XKR8: variants seen among roughly 807,000 people sequenced by gnomAD.
The protein encoded by XKR8 is XK-related protein 8.
XKR8 carries 10 observed loss-of-function variants against 17.1 expected under a neutral mutation model. The observed-to-expected ratio is 0.59, with a 90% CI of 0.36 to 0.99. The LOEUF is 0.99. Ranked by LOEUF, XKR8 falls within the 50% of genes least tolerant of loss-of-function variation. XKR8 has a pLI of 0.01. For missense variants in XKR8, 411 were observed against 515.6 expected (o/e 0.80, Z 1.96); for synonymous variants, 213 against 251.9 (o/e 0.85, Z 1.46).
In XKR8 at chr1:27,967,106, G is replaced by A. The variant is rs1638591759; in HGVS notation, c.1094G>A (p.Gly365Glu). The stretch of plus-strand genomic sequence containing the variant: ...GCCCGGAGTCTGCTTTCTCCAGAGG[G>A]GTATCAGCTGCCTCAGAACAGGCGC... ...DGARSLLSPE[G>E]YQLPQNRRMT... Residue 365 changes from glycine (G) to glutamate (E), a missense_variant, in exon 3 of 3, where the codon GGG becomes GAG. Coordinates refer to ENST00000373884, the MANE Select transcript of XKR8 (RefSeq NM_018053.4). This position sits in a 1 kb window ranked among gnomAD's most constrained non-coding sequence, Gnocchi z 4.3. 1 of 1,613,264 alleles carries A rather than the reference G, an allele frequency of 6.2e-7. No homozygotes were observed. The highest frequency in any genetic ancestry group is 8.5e-7 in the Non-Finnish European group (1 of 1,179,484).
In XKR8 at chr1:27,968,061, A is replaced by G. The variant is rs931660789; in HGVS notation, c.*861A>G. The G allele has an allele frequency of 5.2e-5, 8 of 152,700 alleles. No homozygotes were observed. Among genetic ancestry groups the G allele is most frequent in the African/African-American group, 1.9e-4 (8 of 41,468 alleles). The allele number at this position is 152,700 out of a possible 1,614,324, so 9.5% of individuals were successfully genotyped here. On this transcript the variant is annotated 3_prime_UTR_variant, in exon 3 of 3. Transcript: ENST00000373884. ...CAGATGTGTTGTTTTCAACAGTATT[A>G]TTAGGTTATGAATAAAGCCTCATGA...
rs1202412228 is a variant in XKR8, at chr1:27,960,336, T to G, written c.267T>G (p.His89Gln). 9.9e-6 allele frequency: 14 copies of G among 1,419,940 alleles called. No individual in the cohort carries two copies. In the East Asian group the frequency reaches 3.1e-4, roughly 31 times the overall value. The allele number at this position is 1,419,940 out of a possible 1,614,324, so 88.0% of individuals were successfully genotyped here. The change falls in exon 1 of 3, where the codon CAT becomes CAG. Residue 89 changes from histidine (H) to glutamine (Q), a missense_variant. By Grantham distance (24) the His-to-Gln change is conservative. Coordinates refer to ENST00000373884, the MANE Select transcript of XKR8 (RefSeq NM_018053.4). The surrounding 1 kb of genome is among the most constrained non-coding windows in gnomAD (Gnocchi z 5.9). Reference sequence around the variant, plus strand: ...CGCGCCGCTGCCTGGCGCTGCTGCATCTCCTGCAGCTGGGTTACCTGTACA... The same window carrying G: ...CGCGCCGCTGCCTGGCGCTGCTGCAGCTCCTGCAGCTGGGTTACCTGTACA... ...QPPRRCLALL[H>Q]LLQLGYLYRC...
Position 27,965,613 on chromosome 1 carries a change from G to A in XKR8, c.491-890G>A, listed in dbSNP as rs181401267. Reference sequence around the variant, plus strand: ...TGTGCTTCTGGCGACCTAACATCCTGGGCAGAGCTTGTCAAGGTCACGGAA... The same window carrying A: ...TGTGCTTCTGGCGACCTAACATCCTAGGCAGAGCTTGTCAAGGTCACGGAA... On this transcript the variant is annotated intron_variant, in intron 2 of 2. Coordinates refer to ENST00000373884, the MANE Select transcript of XKR8 (RefSeq NM_018053.4). The surrounding 1 kb of genome is among the most constrained non-coding windows in gnomAD (Gnocchi z 4.1). 6.6e-6 allele frequency among the ~76,000 whole-genome samples: 1 copy of A among 152,224 alleles called. No homozygotes were observed. Among genetic ancestry groups the A allele is most frequent in the Admixed American group, 6.5e-5 (1 of 15,282 alleles).
chr1:27,966,873 C>G lies in XKR8; in HGVS notation c.861C>G (p.Ile287Met). The G allele has an allele frequency of 6.2e-7, 1 of 1,614,220 alleles. No homozygotes were observed. The part of the protein sequence containing the change: ...AEGRTRGRAI[I>M]HFAFLLSDSI... Reference sequence around the variant, plus strand: ...GCCGCACCCGAGGCCGGGCCATCATCCACTTCGCCTTCCTCCTGAGTGACA... The same window carrying G: ...GCCGCACCCGAGGCCGGGCCATCATGCACTTCGCCTTCCTCCTGAGTGACA... The change falls in exon 3 of 3, where the codon ATC (isoleucine) becomes ATG (methionine). Residue 287 changes from isoleucine to methionine, a missense_variant. By Grantham distance (10) the Ile-to-Met change is conservative. Coordinates refer to ENST00000373884, the MANE Select transcript of XKR8 (RefSeq NM_018053.4). This position sits in a 1 kb window ranked among gnomAD's most constrained non-coding sequence, Gnocchi z 4.3.
At position 27,966,879 on chromosome 1, in the gene XKR8, C is replaced by T. The variant is rs577192560; in HGVS notation, c.867C>T (p.Phe289=). Reference sequence around the variant, plus strand: ...CCCGAGGCCGGGCCATCATCCACTTCGCCTTCCTCCTGAGTGACAGCATTC... The same window carrying T: ...CCCGAGGCCGGGCCATCATCCACTTTGCCTTCCTCCTGAGTGACAGCATTC... The part of the protein sequence containing the change: ...GRTRGRAIIH[F]AFLLSDSILL... The change falls in exon 3 of 3, where the codon TTC becomes TTT. Residue 289 remains phenylalanine (F), a synonymous_variant. Transcript: ENST00000373884. This position sits in a 1 kb window ranked among gnomAD's most constrained non-coding sequence, Gnocchi z 4.3. The T allele has an allele frequency of 1.1e-5, 17 of 1,614,212 alleles. No individual in the cohort carries two copies. Among genetic ancestry groups the T allele is most frequent in the Middle Eastern group, 1.6e-4 (1 of 6,062 alleles).
intron 1 of XKR8, 136 bp from the exon 2 acceptor site, chr1:27,963,361 G>C: frequency 9.5e-7 from 1 of 1,049,784 alleles, no homozygotes; most frequent in Non-Finnish European, 1.3e-6. Context: ...AGTGAGGTTA[G>C]GACATTGCCG....
chr1:27,967,085 G>A lies in XKR8; in HGVS notation c.1073G>A (p.Arg358Gln), dbSNP rs554587970. 3.7e-5 allele frequency: 59 copies of A among 1,614,026 alleles called. No homozygotes were observed. Among genetic ancestry groups the A allele is most frequent in the South Asian group, 4.4e-5 (4 of 91,070 alleles). The change falls in exon 3 of 3, where the codon CGG becomes CAG. Residue 358 changes from arginine to glutamine, a missense_variant. By Grantham distance (43) the Arg-to-Gln change is conservative. Transcript: ENST00000373884. This position sits in a 1 kb window ranked among gnomAD's most constrained non-coding sequence, Gnocchi z 4.3. ...GACCCTGACCAGGTAGACGGGGCCCGGAGTCTGCTTTCTCCAGAGGGGTAT... is the reference window on the plus strand; with the variant it reads ...GACCCTGACCAGGTAGACGGGGCCCAGAGTCTGCTTTCTCCAGAGGGGTAT... ...KPDPDQVDGA[R>Q]SLLSPEGYQL...
rs1557503967 is a variant in XKR8 at position 27,959,983 on chromosome 1, C to CCCA, written c.-84_-82dup. The CCCA allele has an allele frequency of 1.6e-6, 2 of 1,257,586 alleles. No homozygotes were observed. Among genetic ancestry groups the CCCA allele is most frequent in the Non-Finnish European group, 2.1e-6 (2 of 975,582 alleles). The allele number at this position is 1,257,586 out of a possible 1,614,324, so 77.9% of individuals were successfully genotyped here. On this transcript the variant is annotated 5_prime_UTR_variant, in exon 1 of 3. Transcript: ENST00000373884. The stretch of plus-strand genomic sequence containing the variant: ...GCCCCGGGCCGCCCCGAGGGCTGCG[C>CCCA]CCACCTCCTTCCTGCCTCGGCAACC...
chr1:27,961,950 A>G (rs1161272287), intron 1 of XKR8, among the ~76,000 whole-genome samples: 1 of 151,830 alleles, frequency 6.6e-6, no homozygotes, highest in African/African-American at 2.4e-5. Context: ...CAAACTCTGG[A>G]CTCTCTTAAC....
At position 27,960,501 on chromosome 1, in the gene XKR8, G is replaced by C. The variant is rs1638450014; in HGVS notation, c.293+139G>C. 2.3e-6 allele frequency: 2 copies of C among 857,764 alleles called. No homozygotes were observed. The highest frequency in any genetic ancestry group is 3.2e-6 in the Non-Finnish European group (2 of 621,918). The allele number at this position is 857,764 out of a possible 1,614,324, so 53.1% of individuals were successfully genotyped here. On this transcript the variant is annotated intron_variant, in intron 1 of 2. Transcript: ENST00000373884. The surrounding 1 kb of genome is among the most constrained non-coding windows in gnomAD (Gnocchi z 5.9). ...AAGTCCTGTGGGCGCCTGGCCTACA[G>C]GTGAGCGTGCAGCCCTTTACGGAAA...
At chr1:27,963,384 C>G in intron 1 of XKR8, 113 bp from the exon 2 acceptor site, 1 of 1,300,080 alleles carries the variant, frequency 7.7e-7, no homozygotes, top group Admixed American at 2.6e-5. Context: ...GGCCCCATAG[C>G]ATGGATGTGA....
chr1:27,963,865 A>G (rs1638519373), intron 2 of XKR8, among the ~76,000 whole-genome samples, 172 bp downstream of exon 2: 1 of 152,250 alleles, frequency 6.6e-6, no homozygotes, highest in Non-Finnish European at 1.5e-5. Context: ...TTGAGTTTGG[A>G]CAAATGCCTT....
In XKR8 at chr1:27,960,167, C is replaced by A; in HGVS notation, c.98C>A (p.Ala33Asp). ...FLLDLGTDLW[A>D]AVQYALGGRY... is the part of the protein sequence containing the mutation. ...CTCGACCTGGGCACCGACCTGTGGG[C>A]CGCCGTCCAGTATGCGCTCGGCGGC... The change falls in exon 1 of 3, where the codon GCC becomes GAC. Residue 33 changes from alanine to aspartate, a missense_variant. Ala to Asp is a moderately radical substitution (Grantham distance 126). Transcript: ENST00000373884. This position sits in a 1 kb window ranked among gnomAD's most constrained non-coding sequence, Gnocchi z 5.9. 6.5e-7 allele frequency: 1 copy of A among 1,527,648 alleles called. No homozygotes were observed. The highest frequency in any genetic ancestry group is 8.7e-7 in the Non-Finnish European group (1 of 1,144,184). 94.6% of individuals were successfully genotyped at this position (1,527,648 alleles called of 1,614,324 possible).
Position 27,965,574 on chromosome 1 carries a change from G to A in XKR8, c.491-929G>A, listed in dbSNP as rs1457075333. Among the ~76,000 whole-genome samples the A allele has an allele frequency of 5.9e-5, 9 of 152,082 alleles. No individual in the cohort carries two copies. The highest frequency in any genetic ancestry group is 5.8e-4 in the East Asian group (3 of 5,190). On this transcript the variant is annotated intron_variant, in intron 2 of 2. Transcript: ENST00000373884. The surrounding 1 kb of genome is among the most constrained non-coding windows in gnomAD (Gnocchi z 4.1). ...CTGCGGGGTAATGGAGGAGTAGGCC[G>A]GGGAAGTGGGGCCTGTGCTTCTGGC... is the stretch of plus-strand genomic sequence containing the variant.
chr1:27,966,718 C>T lies in XKR8; in HGVS notation c.706C>T (p.Leu236=). The part of the protein sequence containing the change: ...PSYVALHFLG[L]WLVLLLWVWL... Reference sequence around the variant, plus strand: ...CTATGTGGCCCTGCACTTCCTGGGCCTGTGGCTGGTACTGCTGCTCTGGGT... The same window carrying T: ...CTATGTGGCCCTGCACTTCCTGGGCTTGTGGCTGGTACTGCTGCTCTGGGT... Residue 236 remains leucine (L), a synonymous_variant, in exon 3 of 3, where the codon CTG becomes TTG. Coordinates refer to ENST00000373884, the MANE Select transcript of XKR8 (RefSeq NM_018053.4). This position sits in a 1 kb window ranked among gnomAD's most constrained non-coding sequence, Gnocchi z 4.3. 2 of 1,614,224 alleles carry T rather than the reference C, an allele frequency of 1.2e-6. No individual in the cohort carries two copies. The highest frequency in any genetic ancestry group is 1.7e-6 in the Non-Finnish European group (2 of 1,180,036).
In XKR8 at chr1:27,967,514, C is replaced by T. The variant is rs1014843753; in HGVS notation, c.*314C>T. On this transcript the variant is annotated 3_prime_UTR_variant, in exon 3 of 3. Coordinates refer to ENST00000373884, the MANE Select transcript of XKR8 (RefSeq NM_018053.4). The surrounding 1 kb of genome is among the most constrained non-coding windows in gnomAD (Gnocchi z 4.3). ...CCCTGCCATTGGTATAGCTGGTGCC[C>T]CAAAACTTCCACCTCCCTCCCTGGC... The T allele has an allele frequency of 1.9e-5, 4 of 205,822 alleles. No homozygotes were observed. The highest frequency in any genetic ancestry group is 3.9e-5 in the Non-Finnish European group (4 of 102,004). The allele number at this position is 205,822 out of a possible 1,614,324, so 12.7% of individuals were successfully genotyped here. A position where few individuals can be genotyped will look rare whatever the true frequency, so the allele number is the denominator to read the frequency against.
At chr1:27,961,642 AAT>A (rs1218721702) in intron 1 of XKR8, among the ~76,000 whole-genome samples, 3 of 152,168 alleles carry the variant, frequency 2.0e-5, no homozygotes, top group Non-Finnish European at 4.4e-5. Flanking sequence ...TGGCTTTGGA[AAT>A]GGGTCTCTGT....
rs185892541 is a variant in XKR8, at chr1:27,966,430, C to T, written c.491-73C>T. On this transcript the variant is annotated intron_variant, in intron 2 of 2. Transcript: ENST00000373884. The surrounding 1 kb of genome is among the most constrained non-coding windows in gnomAD (Gnocchi z 4.3). Reference sequence around the variant, plus strand: ...CCCAGGGTTGCTGGGAGGGCCCCCACGGTACCTGTGACCGCTGGGGAGTGC... The same window carrying T: ...CCCAGGGTTGCTGGGAGGGCCCCCATGGTACCTGTGACCGCTGGGGAGTGC... The T allele has an allele frequency of 1.6e-5, 23 of 1,464,128 alleles. No homozygotes were observed. The highest frequency in any genetic ancestry group is 8.0e-5 in the Admixed American group (4 of 50,030). The allele number at this position is 1,464,128 out of a possible 1,614,324, so 90.7% of individuals were successfully genotyped here.
chr1:27,964,821 G>A (rs1467665623), intron 2 of XKR8, among the ~76,000 whole-genome samples: 1 of 152,034 alleles, frequency 6.6e-6, no homozygotes, highest in African/African-American at 2.4e-5. Context: ...ACTCACATCC[G>A]ACTCAGGGTC....
Sources: allele counts gnomAD v4.1 joint callset (sites outside exome capture counted in the v4.1 genomes callset), GRCh38; gene constraint gnomAD v4.1.1; non-coding constraint Gnocchi (gnomAD v3.1); transcripts MANE v1.5; gene names NCBI Gene and HGNC (gene_info 2026-07-23, HGNC 2026-07-21).